Variants in GPM6A observed in about 807,000 individuals in gnomAD.
GPM6A encodes neuronal membrane glycoprotein M6-a.
Under a neutral mutation model 32.1 loss-of-function variants are expected in GPM6A, and 7 were observed. That is an observed-to-expected ratio of 0.22 (90% CI 0.12 to 0.41). The LOEUF (loss-of-function observed/expected upper bound fraction) is 0.41, where lower values mean the gene tolerates loss of function less well. Among genes scored for constraint, GPM6A ranks in the 10% least tolerant of loss-of-function variants. GPM6A has a pLI of 1.00. For missense variants in GPM6A, 235 were observed against 347.2 expected, an observed-to-expected ratio of 0.68 and a Z score of 2.57; for synonymous variants, 130 against 123.4, an observed-to-expected ratio of 1.05 and a Z score of -0.35.
chr4:175,975,600 G>A (rs1740634386), intron 1 of GPM6A, among the ~76,000 whole-genome samples: 2 of 152,248 alleles, frequency 1.3e-5, no homozygotes, highest in African/African-American at 4.8e-5. Flanking sequence ...CTCTAGAATT[G>A]CATTTCTCAC....
At chr4:175,678,762 A>G (rs368119695) in intron 2 of GPM6A, among the ~76,000 whole-genome samples, 1 of 152,144 alleles carries the variant, frequency 6.6e-6, no homozygotes, top group Non-Finnish European at 1.5e-5. Context: ...CACTTTAAAG[A>G]GTGTTTCATG....
At chr4:175,894,958 C>T (rs1737752791) in intron 1 of GPM6A, among the ~76,000 whole-genome samples, 1 of 152,176 alleles carries the variant, frequency 6.6e-6, no homozygotes, top group African/African-American at 2.4e-5. Context: ...TAACACACTG[C>T]TTCCCAAATC....
At chr4:175,868,237 A>G (rs1736800790) in intron 1 of GPM6A, among the ~76,000 whole-genome samples, 1 of 152,064 alleles carries the variant, frequency 6.6e-6, no homozygotes, top group Non-Finnish European at 1.5e-5. Flanking sequence ...CTAGATCCAG[A>G]GTGTTGATTT....
chr4:175,956,517 A>G (rs1235341983), intron 1 of GPM6A, among the ~76,000 whole-genome samples: 1 of 152,174 alleles, frequency 6.6e-6, no homozygotes, highest in Non-Finnish European at 1.5e-5. Flanking sequence ...ACCAATAGTT[A>G]AGCTGTTTTA....
chr4:175,911,589 G>A (rs1738321115), intron 1 of GPM6A, among the ~76,000 whole-genome samples: 1 of 152,172 alleles, frequency 6.6e-6, no homozygotes, highest in South Asian at 2.1e-4. Context: ...AGTAGTTAGG[G>A]TGAAAAGTGA....
At chr4:176,000,079 T>C (rs1741429195) in intron 1 of GPM6A, among the ~76,000 whole-genome samples, 1 of 152,194 alleles carries the variant, frequency 6.6e-6, no homozygotes, top group Non-Finnish European at 1.5e-5. Flanking sequence ...TCTGGCTTCA[T>C]GCTGTCACTC....
intron 1 of GPM6A, among the ~76,000 whole-genome samples, chr4:175,709,893 G>C (rs935933613): frequency 6.6e-6 from 1 of 151,888 alleles, no homozygotes; most frequent in Non-Finnish European, 1.5e-5. Context: ...TGCTAGTCAT[G>C]ATATCAGAAT....
At chr4:175,812,093 A>C in intron 1 of GPM6A, 98 bp downstream of exon 1, 2 of 889,678 alleles carry the variant, frequency 2.2e-6, no homozygotes, top group Non-Finnish European at 3.5e-6. Context: ...GCCTTCCAAG[A>C]GAGAAACATT....
chr4:175,794,814 AG>A (rs1301626164), intron 1 of GPM6A, among the ~76,000 whole-genome samples: 6 of 141,590 alleles, frequency 4.2e-5, no homozygotes, highest in African/African-American at 1.6e-4. Flanking sequence ...ATTGGGTAGT[AG>A]GCCTAGAAAC....
chr4:175,793,166 G>C (rs1342647514), intron 1 of GPM6A, among the ~76,000 whole-genome samples: 2 of 152,170 alleles, frequency 1.3e-5, no homozygotes, highest in South Asian at 2.1e-4. Context: ...ATGTATTTTT[G>C]ATAGAACTCC....
At chr4:175,691,819 G>GC (rs1348050438) in intron 2 of GPM6A, among the ~76,000 whole-genome samples, 1 of 152,188 alleles carries the variant, frequency 6.6e-6, no homozygotes, top group Non-Finnish European at 1.5e-5. Context: ...TATCTGGGTA[G>GC]CCCCATTGTA....
At chr4:175,832,762 T>C (rs968599615) in intron 1 of GPM6A, among the ~76,000 whole-genome samples, 1 of 152,206 alleles carries the variant, frequency 6.6e-6, no homozygotes, top group Non-Finnish European at 1.5e-5. Context: ...GTTATATTAT[T>C]GAAGGCTCTT....
At chr4:175,736,485 G>A (rs1731665125) in intron 1 of GPM6A, among the ~76,000 whole-genome samples, 1 of 151,512 alleles carries the variant, frequency 6.6e-6, no homozygotes, top group Non-Finnish European at 1.5e-5. Context: ...ACGATATCAA[G>A]GTTTTCTTTA....
At chr4:175,865,274 T>A (rs1736697364) in intron 1 of GPM6A, among the ~76,000 whole-genome samples, 1 of 152,240 alleles carries the variant, frequency 6.6e-6, no homozygotes, top group Non-Finnish European at 1.5e-5. Flanking sequence ...ATCCCTGGGC[T>A]CTCTAGTGTT....
rs919019536 is a variant in GPM6A at position 175,981,927 on chromosome 4, C to T, written c.-23+20382G>A. ...GGTTTTCTTTGCTTGGATTTTTGTTCTGTTTTCCTTTTTTAAAAAAAACTA... is the reference window on the plus strand; with the variant it reads ...GGTTTTCTTTGCTTGGATTTTTGTTTTGTTTTCCTTTTTTAAAAAAAACTA... On this transcript the variant is annotated intron_variant, in intron 1 of 7. Coordinates refer to the GPM6A transcript ENST00000280187. Among the ~76,000 whole-genome samples the T allele has an allele frequency of 4.6e-5, 7 of 151,978 alleles. No individual in the cohort carries two copies. In the East Asian group the frequency reaches 5.8e-4, roughly 13 times the overall value.
Position 175,925,242 on chromosome 4 carries a change from A to C in GPM6A, c.-23+77067T>G, listed in dbSNP as rs538674590. Among the ~76,000 whole-genome samples the C allele has an allele frequency of 3.2e-4, 48 of 152,258 alleles. 1 individual carries two copies. The South Asian group carries it at 9.9e-3, about 32-fold the overall frequency. On this transcript the variant is annotated intron_variant, in intron 1 of 7. Transcript: ENST00000280187. ...AACTGGAAATGGGTGTTTACACATC[A>C]CTCTGTGGAGTGCGACTTTGCATTT... is the stretch of plus-strand genomic sequence containing the variant.
chr4:175,772,123 T>C (rs973148952), intron 1 of GPM6A, among the ~76,000 whole-genome samples: 6 of 152,214 alleles, frequency 3.9e-5, no homozygotes, highest in Non-Finnish European at 7.3e-5. Flanking sequence ...TAGGAATGTT[T>C]CCTACACACC....
At chr4:175,750,161 C>T (rs537688120) in intron 1 of GPM6A, among the ~76,000 whole-genome samples, 16 of 151,938 alleles carry the variant, frequency 1.1e-4, no homozygotes, top group South Asian at 2.1e-4. Flanking sequence ...CAGGTTCAAC[C>T]GATTCTCCTG....
chr4:175,751,735 C>T (rs888797842), intron 1 of GPM6A, among the ~76,000 whole-genome samples: 3 of 150,776 alleles, frequency 2.0e-5, no homozygotes, highest in Non-Finnish European at 3.0e-5. Context: ...CGGAGTCACA[C>T]GATGCACCTG....
Sources: gnomAD v4.1 joint callset for allele counts (sites outside exome capture counted in the v4.1 genomes callset) on GRCh38, gnomAD v4.1.1 for gene constraint, MANE v1.5 for transcripts, NCBI Gene and HGNC (gene_info 2026-07-23, HGNC 2026-07-21) for gene names.